WDR82: variants seen among roughly 807,000 people sequenced by gnomAD.
WDR82 encodes WD repeat domain 82.
WDR82 carries 8 observed loss-of-function variants against 36.1 expected under a neutral mutation model. The ratio of observed to expected loss-of-function variants is 0.22; its 90% CI spans 0.13 to 0.40. The LOEUF (loss-of-function observed/expected upper bound fraction) is 0.40, where lower values mean the gene tolerates loss of function less well. WDR82 is among the 10% of genes least tolerant of loss of function. WDR82 has a pLI of 1.00. For missense variants in WDR82, 185 were observed against 400.5 expected, an observed-to-expected ratio of 0.46 and a Z score of 4.59; for synonymous variants, 129 against 137.8, an observed-to-expected ratio of 0.94 and a Z score of 0.45.
chr3:52,260,148 T>C (rs771825174), intron 5 of WDR82, among the ~76,000 whole-genome samples: 1 of 152,068 alleles, frequency 6.6e-6, no homozygotes. Context: ...CTGACCAACA[T>C]GGTGAAACCC....
intron 1 of WDR82, among the ~76,000 whole-genome samples, chr3:52,271,713 C>T (rs1001894192): frequency 6.6e-6 from 1 of 152,152 alleles, no homozygotes; most frequent in Non-Finnish European, 1.5e-5. Flanking sequence ...AGGTCAAAAG[C>T]GCTTGCTGAG....
chr3:52,269,408 G>A (rs1221765167), intron 2 of WDR82, among the ~76,000 whole-genome samples: 1 of 152,204 alleles, frequency 6.6e-6, no homozygotes, highest in Non-Finnish European at 1.5e-5. Flanking sequence ...CCAGGAGGCT[G>A]AGATTGCAGT....
chr3:52,262,343 T>C (rs1021721828), intron 3 of WDR82, among the ~76,000 whole-genome samples: 3 of 152,192 alleles, frequency 2.0e-5, no homozygotes, highest in Admixed American at 1.3e-4. Context: ...TTTGCAAATA[T>C]AGTAAAAACC....
At position 52,256,359 on chromosome 3, in the gene WDR82, A is replaced by G. The variant is rs1700008761; in HGVS notation, c.*1131T>C. ...ATGAGAGATATATGCATACGCACACACATATATGCGTATCTGTATGCACAC... is the reference window on the plus strand; with the variant it reads ...ATGAGAGATATATGCATACGCACACGCATATATGCGTATCTGTATGCACAC... On this transcript the variant is annotated 3_prime_UTR_variant, in exon 9 of 9. Transcript: ENST00000296490. 2.6e-5 allele frequency: 4 copies of G among 153,790 alleles called. No individual in the cohort carries two copies. Among genetic ancestry groups the G allele is most frequent in the Admixed American group, 2.0e-4 (3 of 15,280 alleles). 9.5% of individuals were successfully genotyped at this position (153,790 alleles called of 1,614,324 possible).
chr3:52,277,605 C>G (rs1327657449), intron 1 of WDR82, among the ~76,000 whole-genome samples: 4 of 152,122 alleles, frequency 2.6e-5, no homozygotes, highest in South Asian at 2.1e-4. Context: ...AAGAGAAAGG[C>G]TAGGAGCAGG....
intron 3 of WDR82, among the ~76,000 whole-genome samples, chr3:52,263,604 GGA>G: frequency 6.6e-6 from 1 of 152,314 alleles, no homozygotes; most frequent in South Asian, 2.1e-4. Flanking sequence ...CAGAAGCAAA[GGA>G]GAGAACACAG....
chr3:52,261,132 A>T (rs1275597592), intron 4 of WDR82, among the ~76,000 whole-genome samples: 1 of 152,230 alleles, frequency 6.6e-6, no homozygotes, highest in South Asian at 2.1e-4. Context: ...TCTCAAAACA[A>T]AAACAAAAAC....
intron 4 of WDR82, among the ~76,000 whole-genome samples, chr3:52,260,857 C>T (rs902971862): frequency 8.5e-5 from 13 of 152,196 alleles, no homozygotes; most frequent in African/African-American, 1.2e-4. Context: ...GCCAGCTGGG[C>T]GCAGTGGCTC....
chr3:52,272,564 T>G (rs554821052), intron 1 of WDR82, among the ~76,000 whole-genome samples: 216 of 133,318 alleles, frequency 1.6e-3, no homozygotes, highest in African/African-American at 3.6e-3. Flanking sequence ...AAAAGAAAAA[T>G]AAAAATTTGA....
intron 1 of WDR82, among the ~76,000 whole-genome samples, chr3:52,277,037 GAGA>G (rs2107345372): frequency 6.8e-6 from 1 of 147,588 alleles, no homozygotes; most frequent in East Asian, 2.0e-4. Flanking sequence ...GGAACAGCTG[GAGA>G]AGGTGGAGAA....
Position 52,256,221 on chromosome 3 carries a change from T to C in WDR82, c.*1269A>G, listed in dbSNP as rs1174626008. On this transcript the variant is annotated 3_prime_UTR_variant, in exon 9 of 9. Coordinates refer to ENST00000296490, the MANE Select transcript of WDR82 (RefSeq NM_025222.4). ...TTGCTTCAGTCTTCTGAAATGAAAA[T>C]ATTAATAAGGAAGACTCACTAATAC... 1 of 153,782 alleles carries C rather than the reference T, an allele frequency of 6.5e-6. No individual in the cohort carries two copies. The highest frequency in any genetic ancestry group is 1.5e-5 in the Non-Finnish European group (1 of 68,052). 9.5% of individuals were successfully genotyped at this position (153,782 alleles called of 1,614,324 possible).
chr3:52,266,954 T>C lies in WDR82; in HGVS notation c.324A>G (p.Lys108=). 1 of 1,610,412 alleles carries C rather than the reference T, an allele frequency of 6.2e-7. No homozygotes were observed. Among genetic ancestry groups the C allele is most frequent in the South Asian group, 1.1e-5 (1 of 90,838 alleles). The change falls in exon 3 of 9, where the codon AAA becomes AAG. Residue 108 remains lysine (K), a splice_region_variant and synonymous_variant. Transcript: ENST00000296490. The part of the protein sequence containing the change: ...KYIRYFPGHS[K]RVVALSMSPV... ...CTTCTATAATACGTGGGTCTTACCTTTTGCTATGTCCAGGAAAGTATCTGA... is the reference window on the plus strand; with the variant it reads ...CTTCTATAATACGTGGGTCTTACCTCTTGCTATGTCCAGGAAAGTATCTGA...
chr3:52,278,368 G>C lies in WDR82; in HGVS notation c.-7C>G. 1 of 1,536,478 alleles carries C rather than the reference G, an allele frequency of 6.5e-7. No homozygotes were observed. ...CGCTGTCGGTCAGCTTCATGGCGGC[G>C]GCTGGGGAAGGCAGCGGCGGCGCAG... On this transcript the variant is annotated 5_prime_UTR_variant, in exon 1 of 9. Coordinates refer to ENST00000296490, the MANE Select transcript of WDR82 (RefSeq NM_025222.4).
rs1428508384 is a variant in WDR82 at position 52,264,465 on chromosome 3, G to GTT, written c.326+2486_326+2487insAA. On this transcript the variant is annotated intron_variant, in intron 3 of 8. Transcript: ENST00000296490. Reference sequence around the variant, plus strand: ...TTAACTAGAGGCAGCAGGGAATGAAGGATAAAGGTTTGGATAAAGCCCCAT... The same window carrying GTT: ...TTAACTAGAGGCAGCAGGGAATGAAGTTGATAAAGGTTTGGATAAAGCCCCAT... 3.3e-5 allele frequency among the ~76,000 whole-genome samples: 5 copies of GTT among 152,206 alleles called. No individual in the cohort carries two copies. The East Asian group carries it at 9.6e-4, about 29-fold the overall frequency.
intron 2 of WDR82, chr3:52,267,370 C>A: frequency 4.4e-6 from 1 of 229,616 alleles, no homozygotes; most frequent in South Asian, 5.0e-5. Context: ...AGATACTGGT[C>A]TAGTGTCCAC....
chr3:52,277,617 AG>A (rs1231380063), intron 1 of WDR82, among the ~76,000 whole-genome samples: 3 of 152,224 alleles, frequency 2.0e-5, no homozygotes, highest in African/African-American at 7.2e-5. Flanking sequence ...AGGAGCAGGA[AG>A]AAAAAGCAAG....
rs1489354514 is a variant in WDR82 at position 52,259,723 on chromosome 3, T to C, written c.693A>G (p.Thr231=). The C allele has an allele frequency of 6.2e-7, 1 of 1,613,162 alleles. No homozygotes were observed. The highest frequency in any genetic ancestry group is 8.5e-7 in the Non-Finnish European group (1 of 1,179,440). Residue 231 remains threonine (T), a synonymous_variant, in exon 6 of 9, where the codon ACA becomes ACG. Transcript: ENST00000296490. ...TTGAAGGCTGTCAGCTCACCCCAAA[T>C]GTGTGCATCACCACTCCTTTGAATG... ...IDAFKGVVMH[T]FGGYANSKAV...
rs559923673 is a variant in WDR82 at position 52,276,041 on chromosome 3, T to A, written c.161+2160A>T. 2.6e-5 allele frequency among the ~76,000 whole-genome samples: 4 copies of A among 152,282 alleles called. No homozygotes were observed. The East Asian group carries it at 7.7e-4, about 29-fold the overall frequency. On this transcript the variant is annotated intron_variant, in intron 1 of 8. Transcript: ENST00000296490. Reference sequence around the variant, plus strand: ...AACCAGTTATTGAATCATATGGGAGTTCTTTGAAACACTGTAACTTTGTTA... The same window carrying A: ...AACCAGTTATTGAATCATATGGGAGATCTTTGAAACACTGTAACTTTGTTA...
intron 1 of WDR82, among the ~76,000 whole-genome samples, chr3:52,276,948 A>T (rs1700208347): frequency 6.6e-6 from 1 of 151,912 alleles, no homozygotes; most frequent in Non-Finnish European, 1.5e-5. Context: ...AACTAGCATT[A>T]CTTCAGATAA....
Sources: gnomAD v4.1 joint callset for allele counts (sites outside exome capture counted in the v4.1 genomes callset) on GRCh38, gnomAD v4.1.1 for gene constraint, MANE v1.5 for transcripts, NCBI Gene and HGNC (gene_info 2026-07-23, HGNC 2026-07-21) for gene names.